Variants in CRYBG3 observed in about 807,000 individuals in gnomAD.
CRYBG3 encodes the protein crystallin beta-gamma domain containing 3.
CRYBG3 carries 127 observed loss-of-function variants against 244.2 expected under a neutral mutation model. That is an observed-to-expected ratio of 0.52 (90% CI 0.45 to 0.60). The LOEUF is 0.60. Ranked by LOEUF, CRYBG3 falls within the 20% of genes least tolerant of loss-of-function variation. The probability of loss-of-function intolerance (pLI) is 0.00; values close to 1 mark genes in which losing one functional copy is unlikely to be tolerated. For synonymous variants in CRYBG3, 1,132 were observed against 1,195.8 expected (o/e 0.95, Z 1.10); for missense variants, 3,325 against 3,442.5 (o/e 0.97, Z 0.85).
chr3:97,909,662 A>G (rs983433894), intron 15 of CRYBG3, among the ~76,000 whole-genome samples: 1 of 151,796 alleles, frequency 6.6e-6, no homozygotes, highest in African/African-American at 2.4e-5. Context: ...AATTTTTTTC[A>G]AAGTTTTCAA....
chr3:97,858,064 A>G (rs770788851), intron 2 of CRYBG3, among the ~76,000 whole-genome samples: 1 of 151,502 alleles, frequency 6.6e-6, no homozygotes, highest in Non-Finnish European at 1.5e-5. Context: ...TTTAAAGTCT[A>G]TCTAGTGGTG....
chr3:97,891,640 T>A (rs1461688504), intron 10 of CRYBG3, among the ~76,000 whole-genome samples: 1 of 152,170 alleles, frequency 6.6e-6, no homozygotes, highest in Non-Finnish European at 1.5e-5. Context: ...TGCAGTCTTT[T>A]TTATGTTATT....
rs760335015 is a variant in CRYBG3 at position 97,876,665 on chromosome 3, C to A, written c.5471C>A (p.Ala1824Glu). The A allele has an allele frequency of 8.1e-7, 1 of 1,235,796 alleles. No individual in the cohort carries two copies. The highest frequency in any genetic ancestry group is 1.0e-6 in the Non-Finnish European group (1 of 990,502). 76.6% of individuals were successfully genotyped at this position (1,235,796 alleles called of 1,614,324 possible). Reference protein sequence around the residue: ...TAPAPLEMEKACKRDVKETIG... With the variant: ...TAPAPLEMEKECKRDVKETIG... ...CCTGCCCCCTTAGAAATGGAAAAAG[C>A]ATGCAAGAGAGATGTTAAAGAGACT... is the stretch of plus-strand genomic sequence containing the variant. The change falls in exon 4 of 22, where the codon GCA becomes GAA. Residue 1824 changes from alanine to glutamate, a missense_variant. Physicochemically the swap from Ala to Glu is moderately radical, Grantham distance 107 (BLOSUM62 -1). Coordinates refer to ENST00000389622, the MANE Select transcript of CRYBG3 (RefSeq NM_153605.4).
intron 3 of CRYBG3, among the ~76,000 whole-genome samples, chr3:97,867,738 GT>G (rs1559725099): frequency 6.6e-6 from 1 of 152,282 alleles, no homozygotes; most frequent in Admixed American, 6.5e-5. Flanking sequence ...AATGCATGAA[GT>G]TAATACTCCC....
At chr3:97,854,485 G>T (rs578157235) in intron 2 of CRYBG3, among the ~76,000 whole-genome samples, 18 of 152,138 alleles carry the variant, frequency 1.2e-4, no homozygotes, top group African/African-American at 4.1e-4. Context: ...CCATGAGCAT[G>T]GGATGTGTTT....
At chr3:97,892,189 G>A (rs547578928) in intron 10 of CRYBG3, among the ~76,000 whole-genome samples, 2 of 152,070 alleles carry the variant, frequency 1.3e-5, no homozygotes, top group Non-Finnish European at 2.9e-5. Flanking sequence ...GCAGCTGATC[G>A]GAGCATAACG....
intron 15 of CRYBG3, among the ~76,000 whole-genome samples, chr3:97,903,975 C>T (rs1261880695): frequency 6.6e-6 from 1 of 152,144 alleles, no homozygotes; most frequent in Non-Finnish European, 1.5e-5. Context: ...GGAAAACACT[C>T]ATCTCTTATT....
chr3:97,898,808 A>G (rs2039668570), intron 12 of CRYBG3, 75 bp from the exon 13 acceptor site: 2 of 1,049,740 alleles, frequency 1.9e-6, no homozygotes, highest in East Asian at 5.1e-5. Context: ...TCAGTATGTG[A>G]TATTTTGCTA....
At chr3:97,919,269 C>A (rs2039958977) in intron 17 of CRYBG3, among the ~76,000 whole-genome samples, 1 of 151,890 alleles carries the variant, frequency 6.6e-6, no homozygotes, top group Admixed American at 6.6e-5. Flanking sequence ...AGTTCTCTTT[C>A]AAAATTCATT....
At chr3:97,880,634 G>T (rs1327761815) in intron 6 of CRYBG3, among the ~76,000 whole-genome samples, 13 of 152,226 alleles carry the variant, frequency 8.5e-5, no homozygotes, top group Admixed American at 8.5e-4. Flanking sequence ...ACCCAGGTCA[G>T]CATTCATGTC....
chr3:97,894,264 A>G (rs2108235082), intron 11 of CRYBG3, among the ~76,000 whole-genome samples: 1 of 152,286 alleles, frequency 6.6e-6, no homozygotes, highest in Admixed American at 6.5e-5. Context: ...TGCAATGTGC[A>G]TTGTTATTCT....
intron 17 of CRYBG3, among the ~76,000 whole-genome samples, chr3:97,931,978 A>G (rs2040102569): frequency 6.6e-6 from 1 of 152,054 alleles, no homozygotes; most frequent in South Asian, 2.1e-4. Context: ...CACAATGCCA[A>G]CGTGTAATAA....
At chr3:97,914,355 C>T (rs374320109) in intron 16 of CRYBG3, among the ~76,000 whole-genome samples, 1 of 152,176 alleles carries the variant, frequency 6.6e-6, no homozygotes, top group African/African-American at 2.4e-5. Context: ...AAATATTTTA[C>T]AAGATTTAGG....
intron 3 of CRYBG3, among the ~76,000 whole-genome samples, chr3:97,869,642 G>A (rs1331523655): frequency 6.6e-6 from 1 of 152,070 alleles, no homozygotes; most frequent in Non-Finnish European, 1.5e-5. Context: ...TCCAAGTTTT[G>A]ACTTTGTTTC....
At chr3:97,896,805 A>G (rs1270411237) in intron 12 of CRYBG3, among the ~76,000 whole-genome samples, 1 of 152,176 alleles carries the variant, frequency 6.6e-6, no homozygotes, top group Non-Finnish European at 1.5e-5. Context: ...GACAGCCCCC[A>G]ACAACAAAGA....
chr3:97,842,549 T>C (rs1439619669), intron 1 of CRYBG3, among the ~76,000 whole-genome samples: 3 of 151,500 alleles, frequency 2.0e-5, no homozygotes, highest in African/African-American at 7.3e-5. Context: ...AACAAGACCA[T>C]CTCTAAAAAA....
At chr3:97,837,098 G>A (rs1039687403) in intron 1 of CRYBG3, 3 of 152,150 alleles carry the variant, frequency 2.0e-5, no homozygotes, top group African/African-American at 7.2e-5. Context: ...ACAGACAAAA[G>A]TTCATTCTGA....
intron 1 of CRYBG3, among the ~76,000 whole-genome samples, chr3:97,835,856 G>C (rs2038725321): frequency 6.6e-6 from 1 of 152,122 alleles, no homozygotes; most frequent in Non-Finnish European, 1.5e-5. Flanking sequence ...CTAAAATACT[G>C]TTGTGAGTTC....
intron 17 of CRYBG3, among the ~76,000 whole-genome samples, chr3:97,929,486 T>C (rs1244025074): frequency 6.6e-6 from 1 of 152,012 alleles, no homozygotes. Flanking sequence ...GTGTTGACTT[T>C]CCTAATCTTC....
Sources: gnomAD v4.1 joint callset for allele counts (sites outside exome capture counted in the v4.1 genomes callset) on GRCh38, gnomAD v4.1.1 for gene constraint, MANE v1.5 for transcripts, NCBI Gene and HGNC (gene_info 2026-07-23, HGNC 2026-07-21) for gene names.